ZNRF2: variants seen among roughly 807,000 people sequenced by gnomAD.
ZNRF2 encodes E3 ubiquitin-protein ligase ZNRF2.
A neutral mutation model predicts 20.4 loss-of-function variants in ZNRF2; 16 were observed. That is an observed-to-expected ratio of 0.79 (90% CI 0.53 to 1.19). The LOEUF (loss-of-function observed/expected upper bound fraction) is 1.19, where lower values mean the gene tolerates loss of function less well. Ranked by LOEUF, ZNRF2 falls within the 50% of genes most tolerant of loss-of-function variation. The probability of loss-of-function intolerance (pLI) is 0.00; values close to 1 mark genes in which losing one functional copy is unlikely to be tolerated. For missense variants in ZNRF2, 363 were observed against 332.4 expected (o/e 1.09, Z -0.72); for synonymous variants, 178 against 144.9 (o/e 1.23, Z -1.64).
intron 1 of ZNRF2, among the ~76,000 whole-genome samples, chr7:30,318,120 T>G (rs894129946): frequency 3.3e-5 from 5 of 152,178 alleles, no homozygotes; most frequent in African/African-American, 1.2e-4. Flanking sequence ...TTGGGGAAAC[T>G]TGGAGTGCCG....
chr7:30,362,531 A>G (rs1282221567), intron 4 of ZNRF2, 75 bp downstream of exon 4: 1 of 892,934 alleles, frequency 1.1e-6, no homozygotes, highest in Middle Eastern at 3.1e-4. Context: ...TTATTTATTC[A>G]TTTACTCATT....
At chr7:30,297,696 C>T (rs188850013) in intron 1 of ZNRF2, among the ~76,000 whole-genome samples, 1 of 150,414 alleles carries the variant, frequency 6.6e-6, no homozygotes, top group African/African-American at 2.4e-5. Context: ...CATTGTGCAG[C>T]ATATTTGGTA....
At chr7:30,287,120 C>T (rs530327296) in intron 1 of ZNRF2, among the ~76,000 whole-genome samples, 2 of 152,246 alleles carry the variant, frequency 1.3e-5, no homozygotes, top group Admixed American at 6.5e-5. Context: ...AAATATTCAT[C>T]CCTCTTAAAA....
intron 1 of ZNRF2, among the ~76,000 whole-genome samples, chr7:30,297,924 G>A (rs2893371): frequency 2.6e-5 from 4 of 151,876 alleles, no homozygotes; most frequent in Non-Finnish European, 5.9e-5. Context: ...GAGTGTAGTC[G>A]TGTGATCCTA....
At position 30,297,149 on chromosome 7, in the gene ZNRF2, TTACAACC is replaced by T. The variant is rs1799032699; in HGVS notation, c.469+11324_469+11330del. ...TTGTTAGTTTAAAAATTGTTTAGTT[TTACAACC>T]CTCCCTCATTTGTATAAATCTCCTC... On this transcript the variant is annotated intron_variant, in intron 1 of 4. Transcript: ENST00000323037. 3.9e-5 allele frequency among the ~76,000 whole-genome samples: 6 copies of T among 152,228 alleles called. No homozygotes were observed. The South Asian group carries it at 6.2e-4, about 16-fold the overall frequency.
At chr7:30,301,736 TTAGATTTGAATATAC>T (rs1799120384) in intron 1 of ZNRF2, among the ~76,000 whole-genome samples, 1 of 151,606 alleles carries the variant, frequency 6.6e-6, no homozygotes, top group South Asian at 2.1e-4. Context: ...TATCTTTGTC[TTAGATTTGAATATAC>T]TAGAGCGGGC....
intron 3 of ZNRF2, among the ~76,000 whole-genome samples, chr7:30,360,585 AG>A (rs1800111729): frequency 6.6e-6 from 1 of 151,908 alleles, no homozygotes; most frequent in Non-Finnish European, 1.5e-5. Context: ...CCAGCTACCC[AG>A]GAGGCTGAGG....
At chr7:30,313,999 T>A (rs1799328311) in intron 1 of ZNRF2, among the ~76,000 whole-genome samples, 1 of 152,218 alleles carries the variant, frequency 6.6e-6, no homozygotes, top group African/African-American at 2.4e-5. Flanking sequence ...GGATTTTATT[T>A]AGTTTTCCAT....
intron 3 of ZNRF2, among the ~76,000 whole-genome samples, chr7:30,361,833 A>G (rs1326643042): frequency 1.3e-5 from 2 of 152,036 alleles, no homozygotes; most frequent in African/African-American, 4.8e-5. Flanking sequence ...TTAGCTTCTA[A>G]TAAAATAAGA....
rs1201784771 is a variant in ZNRF2, at chr7:30,285,397, C to A, written c.40C>A (p.Arg14Ser). The A allele has an allele frequency of 4.8e-6, 6 of 1,258,998 alleles. No individual in the cohort carries two copies. The African/African-American group carries it at 8.1e-5, about 17-fold the overall frequency. 78.0% of individuals were successfully genotyped at this position (1,258,998 alleles called of 1,614,324 possible). ...KQSGPAAANG[R>S]TRAYSGSDLP... ...GAGCGGCCCGGCCGCCGCTAACGGC[C>A]GCACGCGCGCGTACTCGGGCTCGGA... Residue 14 changes from arginine to serine, a missense_variant, in exon 1 of 5, where the codon CGC (arginine) becomes AGC (serine). Physicochemically the swap from Arg to Ser is moderately radical, Grantham distance 110. Coordinates refer to ENST00000323037, the MANE Select transcript of ZNRF2 (RefSeq NM_147128.4).
intron 2 of ZNRF2, among the ~76,000 whole-genome samples, chr7:30,347,645 A>G (rs567544484): frequency 2.0e-5 from 3 of 152,302 alleles, no homozygotes; most frequent in South Asian, 4.1e-4. Context: ...CCCAGGAGGC[A>G]GAGGCTGCAG....
intron 3 of ZNRF2, among the ~76,000 whole-genome samples, chr7:30,360,562 G>C (rs1800111054): frequency 6.6e-6 from 1 of 151,896 alleles, no homozygotes; most frequent in South Asian, 2.1e-4. Context: ...TGTGGCAGGT[G>C]GCGCCTGTAA....
chr7:30,330,608 T>C (rs1010969468), intron 2 of ZNRF2, among the ~76,000 whole-genome samples: 5 of 152,176 alleles, frequency 3.3e-5, no homozygotes, highest in Admixed American at 6.5e-5. Flanking sequence ...GTAGATATAA[T>C]CTGGTCTTCC....
At chr7:30,355,869 G>T (rs764029893) in intron 3 of ZNRF2, 36 bp downstream of exon 3, 1 of 1,517,994 alleles carries the variant, frequency 6.6e-7, no homozygotes, top group Non-Finnish European at 9.1e-7. Context: ...GTAAAAGATT[G>T]TTCTCACAGT....
intron 2 of ZNRF2, among the ~76,000 whole-genome samples, chr7:30,350,437 G>A (rs904068302): frequency 6.6e-6 from 1 of 151,954 alleles, no homozygotes; most frequent in Non-Finnish European, 1.5e-5. Context: ...CATTGAAAAA[G>A]TAATTTTCAG....
At chr7:30,292,957 A>T (rs990101697) in intron 1 of ZNRF2, among the ~76,000 whole-genome samples, 1 of 152,128 alleles carries the variant, frequency 6.6e-6, no homozygotes, top group Non-Finnish European at 1.5e-5. Context: ...GTTTTAAAGG[A>T]TTACTCTGGC....
At chr7:30,348,806 T>C (rs1286928645) in intron 2 of ZNRF2, among the ~76,000 whole-genome samples, 1 of 152,228 alleles carries the variant, frequency 6.6e-6, no homozygotes, top group African/African-American at 2.4e-5. Flanking sequence ...GCTGCATCTT[T>C]AGGCATCTGA....
chr7:30,285,829 A>G lies in ZNRF2; in HGVS notation c.469+3A>G. ...CCTCTCGCCGCACATGTTTGGAGGT[A>G]CGGACCCCTCTCCGCGCACCCGCGC... On this transcript the variant is annotated splice_donor_region_variant and intron_variant, in intron 1 of 4. Transcript: ENST00000323037. 1 of 1,502,706 alleles carries G rather than the reference A, an allele frequency of 6.7e-7. No individual in the cohort carries two copies. Among genetic ancestry groups the G allele is most frequent in the Non-Finnish European group, 8.8e-7 (1 of 1,134,702 alleles). 93.1% of individuals were successfully genotyped at this position (1,502,706 alleles called of 1,614,324 possible). A position where few individuals can be genotyped will look rare whatever the true frequency, so the allele number is the denominator to read the frequency against.
rs915800291 is a variant in ZNRF2 at position 30,303,759 on chromosome 7, C to A, written c.469+17933C>A. ...GCATCTCCTGGGAACTTGTTACACA[C>A]ATTTTTGGGCCTCCCCCAGACTTAC... On this transcript the variant is annotated intron_variant, in intron 1 of 4. Coordinates refer to ENST00000323037, the MANE Select transcript of ZNRF2 (RefSeq NM_147128.4). Among the ~76,000 whole-genome samples the A allele has an allele frequency of 5.3e-5, 8 of 152,204 alleles. No homozygotes were observed. The South Asian group carries it at 1.7e-3, about 31-fold the overall frequency.
Sources: gnomAD v4.1 joint callset for allele counts (sites outside exome capture counted in the v4.1 genomes callset) on GRCh38, gnomAD v4.1.1 for gene constraint, MANE v1.5 for transcripts, NCBI Gene and HGNC (gene_info 2026-07-23, HGNC 2026-07-21) for gene names.